The following SPOCK1 variants were observed in gnomAD, a reference collection of about 807,000 sequenced individuals.
SPOCK1 encodes SPARC (osteonectin), cwcv and kazal like domains proteoglycan 1.
Under a neutral mutation model 55.3 loss-of-function variants are expected in SPOCK1, and 23 were observed. The observed-to-expected ratio is 0.42, with a 90% confidence interval of 0.30 to 0.59. The LOEUF is 0.59. Among genes scored for constraint, SPOCK1 ranks in the 20% least tolerant of loss-of-function variants. The pLI is 0.22. For missense variants in SPOCK1, 499 were observed against 552.5 expected, an observed-to-expected ratio of 0.90 and a Z score of 0.97; for synonymous variants, 226 against 221.0, an observed-to-expected ratio of 1.02 and a Z score of -0.20.
intron 2 of SPOCK1, among the ~76,000 whole-genome samples, chr5:137,289,893 C>T (rs714433): frequency 0.47 from 71,858 of 151,872 alleles, 17,200 homozygotes; most frequent in Admixed American, 0.49. Flanking sequence ...AATAGGATAC[C>T]CATAGGCCAA....
intron 2 of SPOCK1, among the ~76,000 whole-genome samples, chr5:137,343,503 G>A (rs895982146): frequency 6.6e-6 from 1 of 152,202 alleles, no homozygotes; most frequent in Non-Finnish European, 1.5e-5. Context: ...CAGAGGACCT[G>A]TGGAAGAGCC....
chr5:137,341,812 A>G (rs930307342), intron 2 of SPOCK1, among the ~76,000 whole-genome samples: 3 of 152,260 alleles, frequency 2.0e-5, no homozygotes, highest in Non-Finnish European at 4.4e-5. Flanking sequence ...AGCTAATCCC[A>G]GGAGAAAATC....
intron 2 of SPOCK1, 124 bp downstream of exon 2, chr5:137,498,249 A>T: frequency 1.0e-6 from 1 of 1,000,450 alleles, no homozygotes; most frequent in Non-Finnish European, 1.3e-6. Context: ...GGAGATGCCC[A>T]CCTGTCCCCC....
rs184592488 is a variant in SPOCK1 at position 137,441,162 on chromosome 5, C to T, written c.186+57211G>A. On this transcript the variant is annotated intron_variant, in intron 2 of 10. Transcript: ENST00000394945. The stretch of plus-strand genomic sequence containing the variant: ...GAGTGGCTGAGAAGAAACTCACCAA[C>T]AGCCACTGGAAAACTGATGAGGTTT... Among the ~76,000 whole-genome samples, 651 of 152,332 alleles carry T rather than the reference C, an allele frequency of 4.3e-3. 2 individuals are homozygous for T. Among genetic ancestry groups the T allele is most frequent in the Middle Eastern group, 0.014 (4 of 294 alleles).
chr5:137,067,601 T>C, intron 6 of SPOCK1, 114 bp downstream of exon 6: 3 of 851,026 alleles, frequency 3.5e-6, no homozygotes, highest in Non-Finnish European at 5.7e-6. Flanking sequence ...TTACCTGTCA[T>C]GTCTGCTCAT....
At chr5:137,062,452 T>C (rs369839314) in intron 6 of SPOCK1, among the ~76,000 whole-genome samples, 7 of 151,964 alleles carry the variant, frequency 4.6e-5, no homozygotes, top group Admixed American at 1.3e-4. Flanking sequence ...GAGTATGGGC[T>C]AGCTGAAAAA....
At chr5:137,254,213 A>G (rs564614073) in intron 3 of SPOCK1, among the ~76,000 whole-genome samples, 7 of 152,316 alleles carry the variant, frequency 4.6e-5, no homozygotes, top group African/African-American at 1.7e-4. Flanking sequence ...TCTCCTACAA[A>G]TAATTTTATC....
chr5:137,072,327 T>C (rs1029982433), intron 5 of SPOCK1, among the ~76,000 whole-genome samples: 1 of 152,230 alleles, frequency 6.6e-6, no homozygotes, highest in Non-Finnish European at 1.5e-5. Context: ...TTAAACATTA[T>C]ACTAGAACCC....
At chr5:137,283,696 C>T (rs1757209427) in intron 2 of SPOCK1, among the ~76,000 whole-genome samples, 1 of 151,000 alleles carries the variant, frequency 6.6e-6, no homozygotes, top group Non-Finnish European at 1.5e-5. Context: ...GCCTGGGTGA[C>T]AGAGCAAAAC....
chr5:137,071,015 A>G (rs1049790089), intron 5 of SPOCK1, among the ~76,000 whole-genome samples: 12 of 120,436 alleles, frequency 1.0e-4, no homozygotes, highest in African/African-American at 3.5e-4. Flanking sequence ...CAAAAGGCCA[A>G]TTTCTTTTTT....
At chr5:137,290,233 G>A (rs1283300285) in intron 2 of SPOCK1, among the ~76,000 whole-genome samples, 2 of 152,138 alleles carry the variant, frequency 1.3e-5, no homozygotes, top group Admixed American at 1.3e-4. Context: ...AATGGACATT[G>A]TGTTATGTTC....
chr5:137,405,694 G>C (rs929123415), intron 2 of SPOCK1, among the ~76,000 whole-genome samples: 1 of 152,188 alleles, frequency 6.6e-6, no homozygotes, highest in Non-Finnish European at 1.5e-5. Flanking sequence ...CGAAATTGCA[G>C]AGGGCAAGGG....
intron 2 of SPOCK1, among the ~76,000 whole-genome samples, chr5:137,327,630 C>A (rs1561505819): frequency 6.6e-6 from 1 of 152,220 alleles, no homozygotes; most frequent in Non-Finnish European, 1.5e-5. Context: ...CCAGTACATT[C>A]TTGAAACATA....
intron 2 of SPOCK1, among the ~76,000 whole-genome samples, chr5:137,395,759 T>C (rs1751833830): frequency 6.6e-6 from 1 of 152,208 alleles, no homozygotes; most frequent in South Asian, 2.1e-4. Flanking sequence ...TGGAGCTGTA[T>C]TCTTGAGAGG....
intron 2 of SPOCK1, among the ~76,000 whole-genome samples, chr5:137,464,420 T>C (rs767739863): frequency 3.9e-5 from 6 of 152,098 alleles, no homozygotes; most frequent in African/African-American, 9.7e-5. Context: ...CACAAACATA[T>C]ACACCTACTA....
At chr5:137,261,724 T>C (rs1756745313) in intron 3 of SPOCK1, among the ~76,000 whole-genome samples, 1 of 152,206 alleles carries the variant, frequency 6.6e-6, no homozygotes, top group African/African-American at 2.4e-5. Flanking sequence ...TTAAAACCAA[T>C]GTCTATACAC....
At chr5:137,038,777 G>T (rs1232949127) in intron 6 of SPOCK1, among the ~76,000 whole-genome samples, 1 of 152,094 alleles carries the variant, frequency 6.6e-6, no homozygotes, top group African/African-American at 2.4e-5. Context: ...ATCACAAATT[G>T]CATTGCTTAT....
chr5:137,036,129 T>C (rs1372916787), intron 6 of SPOCK1, among the ~76,000 whole-genome samples: 1 of 152,188 alleles, frequency 6.6e-6, no homozygotes, highest in Non-Finnish European at 1.5e-5. Flanking sequence ...GATGGTGGGT[T>C]AAAGGGTAGT....
intron 9 of SPOCK1, among the ~76,000 whole-genome samples, chr5:136,983,826 A>G (rs538636324): frequency 6.6e-6 from 1 of 152,342 alleles, no homozygotes; most frequent in African/African-American, 2.4e-5. Context: ...GGGAAATGTG[A>G]TAAAGCAAGC....
Sources: allele counts gnomAD v4.1 joint callset (sites outside exome capture counted in the v4.1 genomes callset), GRCh38; gene constraint gnomAD v4.1.1; transcripts MANE v1.5; gene names NCBI Gene and HGNC (gene_info 2026-07-23, HGNC 2026-07-21).